The following PSD3 variants were observed in gnomAD, a reference collection of about 807,000 sequenced individuals.
PSD3 encodes the protein PH and SEC7 domain-containing protein 3.
Under a neutral mutation model 105.5 loss-of-function variants are expected in PSD3, and 49 were observed. The ratio of observed to expected loss-of-function variants is 0.46; its 90% CI spans 0.37 to 0.59. The LOEUF (loss-of-function observed/expected upper bound fraction) is 0.59. PSD3 is among the 20% of genes least tolerant of loss of function. The probability of loss-of-function intolerance (pLI) is 0.00; values close to 1 mark genes in which losing one functional copy is unlikely to be tolerated. For missense variants in PSD3, 1,561 were observed against 1,263.8 expected (o/e 1.24, Z -3.57); for synonymous variants, 557 against 457.8 (o/e 1.22, Z -2.77).
chr8:18,763,287 T>G (rs1241173338), intron 9 of PSD3, among the ~76,000 whole-genome samples: 1 of 152,158 alleles, frequency 6.6e-6, no homozygotes, highest in Non-Finnish European at 1.5e-5. Flanking sequence ...CTAATAAAGG[T>G]CATAATTTTT....
chr8:19,023,641 T>G (rs1057040634), intron 1 of PSD3, among the ~76,000 whole-genome samples: 1 of 152,074 alleles, frequency 6.6e-6, no homozygotes, highest in African/African-American at 2.4e-5. Flanking sequence ...CTCACTATGT[T>G]GCCCAGGCTG....
intron 12 of PSD3, among the ~76,000 whole-genome samples, chr8:18,593,285 C>G (rs1803747442): frequency 6.6e-6 from 1 of 152,104 alleles, no homozygotes. Context: ...AAGAAATAAA[C>G]AAACAACCCC....
chr8:18,893,157 G>A (rs1168610198), intron 2 of PSD3, among the ~76,000 whole-genome samples: 2 of 152,148 alleles, frequency 1.3e-5, no homozygotes, highest in Non-Finnish European at 2.9e-5. Flanking sequence ...CACTTTGATG[G>A]TGAGCTGAGA....
chr8:18,919,527 C>A (rs1310394746), intron 2 of PSD3, among the ~76,000 whole-genome samples: 5 of 151,872 alleles, frequency 3.3e-5, no homozygotes, highest in African/African-American at 1.2e-4. Context: ...GAATTTTTAA[C>A]AAGCATGGAA....
intron 10 of PSD3, among the ~76,000 whole-genome samples, chr8:18,641,429 C>T (rs929384508): frequency 5.9e-5 from 9 of 152,084 alleles, no homozygotes; most frequent in South Asian, 2.1e-4. Flanking sequence ...AACAGATACA[C>T]AAAATATTGG....
intron 12 of PSD3, among the ~76,000 whole-genome samples, chr8:18,586,853 G>C (rs1349946430): frequency 6.6e-6 from 1 of 152,150 alleles, no homozygotes; most frequent in Admixed American, 6.5e-5. Flanking sequence ...TTGATGCTGA[G>C]AAATGTATAT....
chr8:18,654,090 G>A (rs1294993357), intron 10 of PSD3, among the ~76,000 whole-genome samples: 1 of 152,044 alleles, frequency 6.6e-6, no homozygotes, highest in East Asian at 1.9e-4. Flanking sequence ...GAAATGGCAC[G>A]CTGCCTTTAA....
intron 10 of PSD3, among the ~76,000 whole-genome samples, chr8:18,653,936 TC>T (rs1808705935): frequency 6.6e-6 from 1 of 152,230 alleles, no homozygotes; most frequent in Non-Finnish European, 1.5e-5. Context: ...TGTCAGGATG[TC>T]CTTTTTGCAT....
chr8:18,696,203 G>C (rs551410753), intron 9 of PSD3, among the ~76,000 whole-genome samples: 1 of 152,220 alleles, frequency 6.6e-6, no homozygotes, highest in African/African-American at 2.4e-5. Context: ...TGGCATTGCC[G>C]TCCGTTCCTC....
intron 1 of PSD3, among the ~76,000 whole-genome samples, chr8:19,027,089 C>T (rs949114237): frequency 6.6e-6 from 1 of 152,020 alleles, no homozygotes; most frequent in Non-Finnish European, 1.5e-5. Context: ...GCACAATACA[C>T]GCATTATGAA....
intron 11 of PSD3, among the ~76,000 whole-genome samples, chr8:18,606,247 C>G (rs913986679): frequency 6.6e-6 from 1 of 152,182 alleles, no homozygotes; most frequent in African/African-American, 2.4e-5. Context: ...GACTTATTCA[C>G]TCTTTCATAT....
chr8:18,586,622 C>G (rs1019239445), intron 12 of PSD3, among the ~76,000 whole-genome samples: 5 of 151,982 alleles, frequency 3.3e-5, no homozygotes, highest in Non-Finnish European at 7.4e-5. Flanking sequence ...CAAAGCCAGC[C>G]ATTATGGACT....
intron 9 of PSD3, among the ~76,000 whole-genome samples, chr8:18,744,995 A>C (rs2129435797): frequency 6.6e-6 from 1 of 152,304 alleles, no homozygotes; most frequent in South Asian, 2.1e-4. Context: ...TTTACAATGA[A>C]GTTAGGCATT....
chr8:18,701,488 T>C (rs1351623125), intron 9 of PSD3, among the ~76,000 whole-genome samples: 1 of 152,180 alleles, frequency 6.6e-6, no homozygotes, highest in Non-Finnish European at 1.5e-5. Flanking sequence ...AAACCTTTTA[T>C]ACAGAATGGA....
chr8:18,865,830 T>C (rs1253355122), intron 4 of PSD3, among the ~76,000 whole-genome samples: 1 of 152,192 alleles, frequency 6.6e-6, no homozygotes, highest in Non-Finnish European at 1.5e-5. Context: ...AGAATACCAC[T>C]GTCTAAATAT....
At chr8:18,610,515 T>C (rs1159038120) in intron 11 of PSD3, among the ~76,000 whole-genome samples, 1 of 152,242 alleles carries the variant, frequency 6.6e-6, no homozygotes, top group East Asian at 1.9e-4. Context: ...GGAATCTCTC[T>C]GAATCTGCTG....
intron 1 of PSD3, among the ~76,000 whole-genome samples, chr8:19,040,530 A>G (rs10104732): frequency 0.71 from 107,842 of 152,050 alleles, 38,939 homozygotes; most frequent in African/African-American, 0.86. Flanking sequence ...AACTGTGATG[A>G]GATACCTTAG....
At chr8:18,589,800 G>C (rs1803461976) in intron 12 of PSD3, among the ~76,000 whole-genome samples, 1 of 152,126 alleles carries the variant, frequency 6.6e-6, no homozygotes, top group South Asian at 2.1e-4. Context: ...AGAAACTCTG[G>C]AGCTGAAAGC....
At chr8:19,062,017 C>G (rs959734695) in intron 1 of PSD3, among the ~76,000 whole-genome samples, 2 of 152,174 alleles carry the variant, frequency 1.3e-5, no homozygotes, top group Admixed American at 6.5e-5. Flanking sequence ...CTTTGTCCTC[C>G]AAGCGCCTTC....
Sources: allele counts gnomAD v4.1 joint callset (sites outside exome capture counted in the v4.1 genomes callset), GRCh38; gene constraint gnomAD v4.1.1; transcripts MANE v1.5; gene names NCBI Gene and HGNC (gene_info 2026-07-23, HGNC 2026-07-21).